The following KCNN2 variants were observed in gnomAD, a reference collection of about 807,000 sequenced individuals.
KCNN2 encodes the protein potassium calcium-activated channel subfamily N member 2, also known as small conductance calcium-activated potassium channel protein 2.
A neutral mutation model predicts 55.5 loss-of-function variants in KCNN2; 24 were observed. The ratio of observed to expected loss-of-function variants is 0.43; its 90% CI spans 0.31 to 0.61. The LOEUF is 0.61. Ranked by LOEUF, KCNN2 falls within the 20% of genes least tolerant of loss-of-function variation. KCNN2 has a pLI of 0.08. For missense variants in KCNN2, 754 were observed against 853.6 expected, an observed-to-expected ratio of 0.88 and a Z score of 1.45; for synonymous variants, 431 against 336.1, an observed-to-expected ratio of 1.28 and a Z score of -3.09.
intron 2 of KCNN2, among the ~76,000 whole-genome samples, chr5:114,273,507 C>G (rs1045417150): frequency 5.9e-5 from 9 of 152,172 alleles, no homozygotes; most frequent in Admixed American, 5.9e-4. Flanking sequence ...ATATCCTCTC[C>G]AGCATCTATT....
At chr5:114,170,273 T>G (rs1478584654) in intron 1 of KCNN2, among the ~76,000 whole-genome samples, 2 of 152,106 alleles carry the variant, frequency 1.3e-5, no homozygotes, top group Non-Finnish European at 2.9e-5. Flanking sequence ...AATCATTCAT[T>G]TACCTCACAA....
intron 3 of KCNN2, among the ~76,000 whole-genome samples, chr5:114,423,847 T>C (rs1401792841): frequency 6.6e-6 from 1 of 152,170 alleles, no homozygotes; most frequent in Non-Finnish European, 1.5e-5. Flanking sequence ...ATAAATCCAA[T>C]TTCAAAAGGC....
intron 3 of KCNN2, among the ~76,000 whole-genome samples, chr5:114,438,197 C>A (rs1416013730): frequency 6.6e-6 from 1 of 152,278 alleles, no homozygotes; most frequent in East Asian, 1.9e-4. Flanking sequence ...GTAGAACACA[C>A]TTACTATATT....
intron 1 of KCNN2, among the ~76,000 whole-genome samples, chr5:114,195,238 A>C (rs1380859250): frequency 2.0e-5 from 3 of 151,890 alleles, no homozygotes; most frequent in African/African-American, 7.2e-5. Context: ...GCCAGCTAGA[A>C]TTTTAATAGA....
At chr5:114,152,146 G>C (rs915149509) in intron 1 of KCNN2, among the ~76,000 whole-genome samples, 1 of 152,052 alleles carries the variant, frequency 6.6e-6, no homozygotes, top group South Asian at 2.1e-4. Flanking sequence ...TCTCATTATA[G>C]TTCCAATTAC....
chr5:114,136,736 A>C (rs1343638722), intron 1 of KCNN2, among the ~76,000 whole-genome samples: 1 of 152,230 alleles, frequency 6.6e-6, no homozygotes, highest in South Asian at 2.1e-4. Context: ...AGTGTGGCTT[A>C]ACCTCTCTGA....
chr5:114,071,374 C>A (rs11949418), intron 1 of KCNN2, among the ~76,000 whole-genome samples: 2 of 152,086 alleles, frequency 1.3e-5, no homozygotes, highest in Non-Finnish European at 2.9e-5. Context: ...TCTTGGCTGT[C>A]AGATTACATT....
chr5:114,169,586 A>G (rs910996224), intron 1 of KCNN2, among the ~76,000 whole-genome samples: 1 of 152,142 alleles, frequency 6.6e-6, no homozygotes, highest in Non-Finnish European at 1.5e-5. Context: ...AGAATGCGAC[A>G]GAGCCGTTAT....
chr5:114,242,060 A>G (rs979494213), intron 2 of KCNN2, among the ~76,000 whole-genome samples: 1 of 151,424 alleles, frequency 6.6e-6, no homozygotes, highest in Non-Finnish European at 1.5e-5. Context: ...GGTGAAATGG[A>G]GAGTGTCAGG....
At chr5:114,245,495 C>T (rs1291065565) in intron 2 of KCNN2, among the ~76,000 whole-genome samples, 2 of 152,188 alleles carry the variant, frequency 1.3e-5, no homozygotes, top group Non-Finnish European at 2.9e-5. Flanking sequence ...TGCCCAAATT[C>T]ACACAGCATC....
At chr5:114,255,185 C>T (rs1177339156) in intron 2 of KCNN2, among the ~76,000 whole-genome samples, 1 of 152,128 alleles carries the variant, frequency 6.6e-6, no homozygotes, top group South Asian at 2.1e-4. Context: ...TGCCAGATGT[C>T]TTCCCTCAAG....
intron 1 of KCNN2, among the ~76,000 whole-genome samples, chr5:114,143,428 C>A (rs545820399): frequency 1.8e-4 from 28 of 152,156 alleles, no homozygotes; most frequent in Non-Finnish European, 3.5e-4. Flanking sequence ...GCTAGACAAC[C>A]GGTTAGACCA....
intron 1 of KCNN2, among the ~76,000 whole-genome samples, chr5:114,097,612 T>A (rs553487681): frequency 6.6e-6 from 1 of 152,200 alleles, no homozygotes; most frequent in Non-Finnish European, 1.5e-5. Flanking sequence ...AGCAGACAAT[T>A]AAACATGAAC....
chr5:114,126,500 C>G (rs1289813743), intron 1 of KCNN2, among the ~76,000 whole-genome samples: 1 of 152,084 alleles, frequency 6.6e-6, no homozygotes, highest in Non-Finnish European at 1.5e-5. Context: ...CTCATGAGAA[C>G]AGGATGTAGG....
intron 7 of KCNN2, among the ~76,000 whole-genome samples, chr5:114,494,259 G>GTT (rs5870615): frequency 0.023 from 3,387 of 149,716 alleles, 113 homozygotes; most frequent in African/African-American, 0.068. Flanking sequence ...CTTACAAACT[G>GTT]TTTTTTTTTG....
intron 1 of KCNN2, among the ~76,000 whole-genome samples, chr5:114,065,544 C>T (rs537302748): frequency 1.7e-3 from 253 of 152,276 alleles, no homozygotes; most frequent in African/African-American, 5.9e-3. Flanking sequence ...CATTCTAAGG[C>T]TGAGAGAATC....
At chr5:114,404,074 T>C (rs1758866443) in intron 2 of KCNN2, among the ~76,000 whole-genome samples, 1 of 152,192 alleles carries the variant, frequency 6.6e-6, no homozygotes, top group Admixed American at 6.5e-5. Flanking sequence ...AGGCTTTAAA[T>C]CCAGACTGAA....
At chr5:114,069,318 C>T (rs6880609) in intron 1 of KCNN2, among the ~76,000 whole-genome samples, 61,779 of 151,710 alleles carry the variant, frequency 0.41, 13,139 homozygotes, top group East Asian at 0.65. Context: ...TCACTACCAC[C>T]CTCCATCAGA....
intron 1 of KCNN2, among the ~76,000 whole-genome samples, chr5:114,098,444 C>A (rs1393066756): frequency 6.6e-6 from 1 of 152,018 alleles, no homozygotes; most frequent in Non-Finnish European, 1.5e-5. Context: ...TGCCTGAGTT[C>A]TGCCTCCTGT....
Sources: gnomAD v4.1 joint callset for allele counts (sites outside exome capture counted in the v4.1 genomes callset) on GRCh38, gnomAD v4.1.1 for gene constraint, MANE v1.5 for transcripts, NCBI Gene and HGNC (gene_info 2026-07-23, HGNC 2026-07-21) for gene names.